PARD3B: variants seen among roughly 807,000 people sequenced by gnomAD.
The protein encoded by PARD3B is partitioning defective 3 homolog B.
PARD3B carries 103 observed loss-of-function variants against 130.2 expected under a neutral mutation model. That is an observed-to-expected ratio of 0.79 (90% CI 0.67 to 0.93). PARD3B has a LOEUF of 0.93. Among genes scored for constraint, PARD3B ranks in the 40% least tolerant of loss-of-function variants. PARD3B has a pLI of 0.00. For synonymous variants in PARD3B, 583 were observed against 553.2 expected (o/e 1.05, Z -0.76); for missense variants, 1,609 against 1,499.2 (o/e 1.07, Z -1.21).
At chr2:204,836,033 C>T (rs1575101414) in intron 2 of PARD3B, among the ~76,000 whole-genome samples, 1 of 152,290 alleles carries the variant, frequency 6.6e-6, no homozygotes, top group East Asian at 1.9e-4. Context: ...AAACTATGAA[C>T]ATGAAGTGAA....
At chr2:205,512,476 G>A (rs1036267489) in intron 21 of PARD3B, among the ~76,000 whole-genome samples, 5 of 152,154 alleles carry the variant, frequency 3.3e-5, no homozygotes, top group African/African-American at 9.6e-5. Context: ...TGATCATTCC[G>A]TGTCATCTCT....
At chr2:205,308,029 A>G (rs1032377481) in intron 18 of PARD3B, among the ~76,000 whole-genome samples, 1 of 152,230 alleles carries the variant, frequency 6.6e-6, no homozygotes, top group Non-Finnish European at 1.5e-5. Flanking sequence ...TAGGAACTTC[A>G]TCTTTGCTTT....
At chr2:204,918,341 C>A (rs890051607) in intron 2 of PARD3B, among the ~76,000 whole-genome samples, 24 of 152,016 alleles carry the variant, frequency 1.6e-4, no homozygotes, top group African/African-American at 5.8e-4. Flanking sequence ...ATTGAAAATG[C>A]TTTTTTTGGC....
intron 15 of PARD3B, among the ~76,000 whole-genome samples, chr2:205,210,950 A>G (rs890090436): frequency 8.5e-5 from 13 of 152,098 alleles, no homozygotes; most frequent in Non-Finnish European, 2.9e-5. Context: ...CTCACAGGGG[A>G]AAATAGATAC....
intron 5 of PARD3B, among the ~76,000 whole-genome samples, chr2:205,108,910 T>C (rs1703426981): frequency 1.3e-5 from 2 of 152,170 alleles, no homozygotes; most frequent in Non-Finnish European, 2.9e-5. Flanking sequence ...ATAGATTTAG[T>C]ATCAGTACAT....
intron 21 of PARD3B, among the ~76,000 whole-genome samples, chr2:205,529,479 AG>A (rs2051485328): frequency 1.3e-5 from 2 of 152,128 alleles, no homozygotes; most frequent in South Asian, 4.1e-4. Context: ...AGGAATCACT[AG>A]GCCTTTCAGA....
chr2:204,785,390 T>C (rs1281005767), intron 2 of PARD3B, among the ~76,000 whole-genome samples: 1 of 152,198 alleles, frequency 6.6e-6, no homozygotes, highest in Non-Finnish European at 1.5e-5. Context: ...AGCTGAATTA[T>C]GTGCCAGCCC....
intron 3 of PARD3B, among the ~76,000 whole-genome samples, chr2:204,991,528 A>T (rs62173504): frequency 0.48 from 65,153 of 137,164 alleles, 15,838 homozygotes; most frequent in East Asian, 0.83. Flanking sequence ...ATAATGCCGC[A>T]ATAAACATAC....
chr2:205,301,639 CAA>C lies in PARD3B; in HGVS notation c.2570_2571del (p.Lys857ArgfsTer4), dbSNP rs2042003337. The C allele has an allele frequency of 1.9e-6, 3 of 1,612,872 alleles. No individual in the cohort carries two copies. The highest frequency in any genetic ancestry group is 2.5e-6 in the Non-Finnish European group (3 of 1,179,338). On this transcript the variant is annotated frameshift_variant, in exon 18 of 23. Coordinates refer to ENST00000406610, the MANE Select transcript of PARD3B (RefSeq NM_001302769.2). LOFTEE classifies it high-confidence loss of function. This position sits in a 1 kb window ranked among gnomAD's most constrained non-coding sequence, Gnocchi z 5.2. ...GKLKVKEKKR[K>X]EENEDPERKI... is the part of the protein sequence containing the mutation. ...AATTGAAAGTCAAGGAGAAAAAGCG[CAA>C]AGAGGAGAATGAAGATCCAGAAAGG...
At chr2:204,825,895 G>T (rs16836646) in intron 2 of PARD3B, among the ~76,000 whole-genome samples, 18,996 of 152,098 alleles carry the variant, frequency 0.12, 2,201 homozygotes, top group African/African-American at 0.31. Context: ...TCGTTGTTTT[G>T]GTTGTTGAAT....
At chr2:205,140,236 C>T (rs1204413793) in intron 10 of PARD3B, among the ~76,000 whole-genome samples, 2 of 152,166 alleles carry the variant, frequency 1.3e-5, no homozygotes, top group Non-Finnish European at 2.9e-5. Context: ...TTGTTTTTCA[C>T]TTCTCTTCTG....
At chr2:204,793,515 A>AT (rs1559149202) in intron 2 of PARD3B, among the ~76,000 whole-genome samples, 1 of 151,456 alleles carries the variant, frequency 6.6e-6, no homozygotes, top group Non-Finnish European at 1.5e-5. Flanking sequence ...TTTTATTTTT[A>AT]TTTTTTTGGT....
chr2:204,663,965 G>A (rs879449652), intron 1 of PARD3B, among the ~76,000 whole-genome samples: 31 of 152,144 alleles, frequency 2.0e-4, no homozygotes, highest in Non-Finnish European at 3.4e-4. Flanking sequence ...ACAAGTAATG[G>A]ACAGCAGATG....
rs1575367862 is a variant in PARD3B, at chr2:205,562,127, A to G, written c.3260+8724A>G. On this transcript the variant is annotated intron_variant, in intron 22 of 22. Transcript: ENST00000406610. The surrounding 1 kb of genome is among the most constrained non-coding windows in gnomAD (Gnocchi z 5.4). ...ATCACTTTAAGATGCCAAACAGCTG[A>G]GATCAGGGGGTTAATGCTACTGCCA... Among the ~76,000 whole-genome samples, 1 of 152,200 alleles carries G rather than the reference A, an allele frequency of 6.6e-6. No individual in the cohort carries two copies. The highest frequency in any genetic ancestry group is 2.4e-5 in the African/African-American group (1 of 41,456).
At chr2:204,755,701 C>A (rs1438937318) in intron 2 of PARD3B, among the ~76,000 whole-genome samples, 2 of 151,600 alleles carry the variant, frequency 1.3e-5, no homozygotes, top group African/African-American at 4.9e-5. Flanking sequence ...TTTGTTCATT[C>A]AACATACATT....
chr2:204,643,135 A>AAAAAAAAAAAAAAAAAAAAAAAAC (rs1357282441), intron 1 of PARD3B, among the ~76,000 whole-genome samples: 1 of 147,332 alleles, frequency 6.8e-6, no homozygotes. Flanking sequence ...AAAAAAAAAA[A>AAAAAAAAAAAAAAAAAAAAAAAAC]ATGTTTGGCA....
At position 205,572,278 on chromosome 2, in the gene PARD3B, T is replaced by C. The variant is rs1294665557; in HGVS notation, c.3260+18875T>C. Among the ~76,000 whole-genome samples the C allele has an allele frequency of 6.6e-5, 10 of 152,200 alleles. No individual in the cohort carries two copies. The highest frequency in any genetic ancestry group is 1.3e-4 in the Non-Finnish European group (9 of 68,038). ...AAGTAGAATAAGTGCTAAAATTTTA[T>C]ATGCATAAATGGAATTTGAAGAAGT... is the stretch of plus-strand genomic sequence containing the variant. On this transcript the variant is annotated intron_variant, in intron 22 of 22. Transcript: ENST00000406610. This position sits in a 1 kb window ranked among gnomAD's most constrained non-coding sequence, Gnocchi z 4.2.
intron 18 of PARD3B, among the ~76,000 whole-genome samples, chr2:205,398,775 T>C (rs1273896323): frequency 6.6e-6 from 1 of 152,164 alleles, no homozygotes; most frequent in Non-Finnish European, 1.5e-5. Context: ...TGCAAATAGA[T>C]GCCCATTGCT....
chr2:205,038,591 A>G (rs1575610573), intron 3 of PARD3B, among the ~76,000 whole-genome samples: 1 of 152,212 alleles, frequency 6.6e-6, no homozygotes, highest in African/African-American at 2.4e-5. Context: ...AGAGACAAGT[A>G]TAAGTCCCAA....
Sources: gnomAD v4.1 joint callset for allele counts (sites outside exome capture counted in the v4.1 genomes callset) on GRCh38, gnomAD v4.1.1 for gene constraint, Gnocchi (gnomAD v3.1) non-coding constraint, MANE v1.5 for transcripts, NCBI Gene and HGNC (gene_info 2026-07-23, HGNC 2026-07-21) for gene names.